Variants in CNTNAP4 observed in about 807,000 individuals in gnomAD.
CNTNAP4 encodes contactin-associated protein-like 4.
A neutral mutation model predicts 148.4 loss-of-function variants in CNTNAP4; 98 were observed. The ratio of observed to expected loss-of-function variants is 0.66; its 90% CI spans 0.56 to 0.78. CNTNAP4 has a LOEUF of 0.78. Among genes scored for constraint, CNTNAP4 ranks in the 30% least tolerant of loss-of-function variants. The pLI, the probability that CNTNAP4 is intolerant of heterozygous loss-of-function variation, is 0.00. For missense variants in CNTNAP4, 1,935 were observed against 1,565.6 expected (o/e 1.24, Z -3.98); for synonymous variants, 730 against 565.1 (o/e 1.29, Z -4.14).
At chr16:76,520,075 A>G (rs1419276988) in intron 15 of CNTNAP4, among the ~76,000 whole-genome samples, 1 of 152,206 alleles carries the variant, frequency 6.6e-6, no homozygotes, top group Non-Finnish European at 1.5e-5. Context: ...TAATTTAGAT[A>G]GAATTTTATC....
rs1396884143 is a variant in CNTNAP4 at position 76,559,597 on chromosome 16, A to C, written c.*914A>C. Among the ~76,000 whole-genome samples the C allele has an allele frequency of 6.6e-6, 1 of 152,174 alleles. No individual in the cohort carries two copies. The highest frequency in any genetic ancestry group is 2.4e-5 in the African/African-American group (1 of 41,450). ...GTAATACCTCAAATGAAATATACTT[A>C]TGAGACTATTTTGCCCAAACCTAGA... On this transcript the variant is annotated 3_prime_UTR_variant, in exon 24 of 24. Transcript: ENST00000611870.
At position 76,475,505 on chromosome 16, in the gene CNTNAP4, A is replaced by G. The variant is rs77464377; in HGVS notation, c.1656-434A>G. On this transcript the variant is annotated intron_variant, in intron 10 of 23. Coordinates refer to ENST00000611870, the MANE Select transcript of CNTNAP4 (RefSeq NM_033401.5). Reference sequence around the variant, plus strand: ...ATACTGTGTATTCTCCTACATTCCTAGAAGTATACCTCAAGTGAAGAAAGG... The same window carrying G: ...ATACTGTGTATTCTCCTACATTCCTGGAAGTATACCTCAAGTGAAGAAAGG... Among the ~76,000 whole-genome samples the G allele has an allele frequency of 9.7e-3, 1,478 of 152,272 alleles. 13 individuals carry two copies. Among genetic ancestry groups the G allele is most frequent in the Non-Finnish European group, 0.017 (1,166 of 68,010 alleles).
intron 16 of CNTNAP4, 53 bp from the exon 17 acceptor site, chr16:76,521,986 G>A (rs1208178077): frequency 2.6e-6 from 4 of 1,520,152 alleles, no homozygotes; most frequent in African/African-American, 1.4e-5. Flanking sequence ...TTGGAGACTC[G>A]GCACTTCGCC....
Position 76,296,777 on chromosome 16 carries a change from A to C in CNTNAP4, c.85+19030A>C, listed in dbSNP as rs1407774331. ...GTATCTAAGGATTCAGCAGCCAAAGATGAATGCTATTGAATTATTGACCAT... is the reference window on the plus strand; with the variant it reads ...GTATCTAAGGATTCAGCAGCCAAAGCTGAATGCTATTGAATTATTGACCAT... On this transcript the variant is annotated intron_variant, in intron 1 of 23. Transcript: ENST00000611870. 2.0e-5 allele frequency among the ~76,000 whole-genome samples: 3 copies of C among 152,216 alleles called. No individual in the cohort carries two copies. The East Asian group carries it at 5.8e-4, about 29-fold the overall frequency.
rs576361949 is a variant in CNTNAP4 at position 76,281,728 on chromosome 16, T to A, written c.85+3981T>A. 1.4e-4 allele frequency among the ~76,000 whole-genome samples: 22 copies of A among 152,138 alleles called. No individual in the cohort carries two copies. In the South Asian group the frequency reaches 3.9e-3, roughly 27 times the overall value. ...ACTCAGGTTGGTAAACTGTGGCCCA[T>A]GGGCTGAATCTGACCTGCTAGTAGT... On this transcript the variant is annotated intron_variant, in intron 1 of 23. Coordinates refer to ENST00000611870, the MANE Select transcript of CNTNAP4 (RefSeq NM_033401.5).
chr16:76,391,427 G>C (rs1317309753), intron 3 of CNTNAP4, among the ~76,000 whole-genome samples: 1 of 152,032 alleles, frequency 6.6e-6, no homozygotes, highest in African/African-American at 2.4e-5. Context: ...TCTTTTTTTG[G>C]AATGTTCCAA....
intron 2 of CNTNAP4, among the ~76,000 whole-genome samples, chr16:76,325,861 A>G (rs780038690): frequency 6.6e-6 from 1 of 152,182 alleles, no homozygotes; most frequent in Non-Finnish European, 1.5e-5. Context: ...ACTTTCTGCT[A>G]ATTTTGAGAA....
intron 9 of CNTNAP4, among the ~76,000 whole-genome samples, chr16:76,464,388 G>A (rs1203202861): frequency 6.6e-6 from 1 of 152,118 alleles, no homozygotes; most frequent in Non-Finnish European, 1.5e-5. Context: ...ATCAACTCTT[G>A]CCAACTTTAG....
chr16:76,342,838 A>C (rs1297798037), intron 2 of CNTNAP4, among the ~76,000 whole-genome samples: 1 of 152,210 alleles, frequency 6.6e-6, no homozygotes, highest in Admixed American at 6.5e-5. Context: ...AATTTTCAGA[A>C]AACAGATATA....
At chr16:76,385,715 T>C (rs1047404488) in intron 3 of CNTNAP4, among the ~76,000 whole-genome samples, 25 of 152,286 alleles carry the variant, frequency 1.6e-4, no homozygotes, top group African/African-American at 6.0e-4. Flanking sequence ...TGTCCACCCA[T>C]CAATACGTAA....
chr16:76,292,250 T>A (rs948228950), intron 1 of CNTNAP4, among the ~76,000 whole-genome samples: 10 of 152,186 alleles, frequency 6.6e-5, no homozygotes, highest in East Asian at 3.8e-4. Flanking sequence ...GTTACCACTG[T>A]CTCCTTGCAC....
chr16:76,539,779 A>T lies in CNTNAP4; in HGVS notation c.3281A>T (p.Asp1094Val). 6.2e-7 allele frequency: 1 copy of T among 1,603,746 alleles called. No homozygotes were observed. The highest frequency in any genetic ancestry group is 8.5e-7 in the Non-Finnish European group (1 of 1,175,012). ...CAAGAGCCTGATGTTGTTAACTTTG[A>T]TTTTAAAAACATGGCTGATGGACAA... Reference protein sequence around the residue: ...KYQEPDVVNFDFKNMADGQLH... With the variant: ...KYQEPDVVNFVFKNMADGQLH... The change falls in exon 20 of 24, where the codon GAT (aspartate) becomes GTT (valine). Residue 1094 changes from aspartate to valine, a missense_variant. Asp to Val is a radical substitution (Grantham distance 152, BLOSUM62 -3). Transcript: ENST00000611870.
chr16:76,407,185 T>C (rs751288774), intron 3 of CNTNAP4, among the ~76,000 whole-genome samples: 1 of 152,108 alleles, frequency 6.6e-6, no homozygotes, highest in Admixed American at 6.6e-5. Context: ...CACAGGCAGA[T>C]GACAGCACAT....
chr16:76,369,862 A>G (rs1158654821), intron 3 of CNTNAP4, among the ~76,000 whole-genome samples: 6 of 152,006 alleles, frequency 3.9e-5, no homozygotes, highest in Admixed American at 2.0e-4. Context: ...AGGGAGGGAG[A>G]GAGAGAGAGA....
rs2080246364 is a variant in CNTNAP4, at chr16:76,446,391, A to G, written c.539-1621A>G. On this transcript the variant is annotated intron_variant, in intron 4 of 23. Transcript: ENST00000611870. ...CACTCTCAAGGGTAATTGCCTTAAA[A>G]AAATCTTTGACTTGTGAAATGTAGA... Among the ~76,000 whole-genome samples, 6 of 152,310 alleles carry G rather than the reference A, an allele frequency of 3.9e-5. No individual in the cohort carries two copies. In the South Asian group the frequency reaches 1.2e-3, roughly 32 times the overall value.
At chr16:76,463,675 A>G (rs1224259263) in intron 9 of CNTNAP4, among the ~76,000 whole-genome samples, 1 of 152,194 alleles carries the variant, frequency 6.6e-6, no homozygotes, top group East Asian at 1.9e-4. Context: ...TTTAAAGATA[A>G]CTAACAATTT....
At chr16:76,339,731 A>G (rs1396676844) in intron 2 of CNTNAP4, among the ~76,000 whole-genome samples, 1 of 152,200 alleles carries the variant, frequency 6.6e-6, no homozygotes, top group Non-Finnish European at 1.5e-5. Flanking sequence ...ATTTGGCCAT[A>G]TTAGAACAAT....
chr16:76,464,220 G>A (rs953555098), intron 9 of CNTNAP4, among the ~76,000 whole-genome samples: 1 of 152,168 alleles, frequency 6.6e-6, no homozygotes, highest in African/African-American at 2.4e-5. Context: ...TGGATCCTGG[G>A]AGTGAACTAG....
chr16:76,406,162 T>A (rs1329350985), intron 3 of CNTNAP4, among the ~76,000 whole-genome samples: 1 of 152,220 alleles, frequency 6.6e-6, no homozygotes, highest in Non-Finnish European at 1.5e-5. Flanking sequence ...TGTCTCTGTG[T>A]CACATTTTGG....
Sources: gnomAD v4.1 joint callset for allele counts (sites outside exome capture counted in the v4.1 genomes callset) on GRCh38, gnomAD v4.1.1 for gene constraint, MANE v1.5 for transcripts, NCBI Gene and HGNC (gene_info 2026-07-23, HGNC 2026-07-21) for gene names.